RIN3: variants seen among roughly 807,000 people sequenced by gnomAD.
RIN3 encodes RAB5 interacting protein 3.
Under a neutral mutation model 76.3 loss-of-function variants are expected in RIN3, and 54 were observed. The ratio of observed to expected loss-of-function variants is 0.71; its 90% CI spans 0.57 to 0.89. The LOEUF is 0.89. Among genes scored for constraint, RIN3 ranks in the 40% least tolerant of loss-of-function variants. The pLI, the probability that RIN3 is intolerant of heterozygous loss-of-function variation, is 0.00. For synonymous variants in RIN3, 576 were observed against 564.0 expected (o/e 1.02, Z -0.30); for missense variants, 1,256 against 1,322.1 (o/e 0.95, Z 0.78).
chr14:92,660,573 C>T (rs907253641), intron 7 of RIN3, among the ~76,000 whole-genome samples: 1 of 152,220 alleles, frequency 6.6e-6, no homozygotes, highest in African/African-American at 2.4e-5. Flanking sequence ...ATGGCAGTAG[C>T]TGGGGCCCAA....
At chr14:92,638,568 C>T (rs1886863002) in intron 4 of RIN3, among the ~76,000 whole-genome samples, 1 of 152,184 alleles carries the variant, frequency 6.6e-6, no homozygotes, top group Admixed American at 6.5e-5. Context: ...TTGTGATACA[C>T]ACGGCGACGG....
At chr14:92,573,868 T>C (rs185895252) in intron 2 of RIN3, among the ~76,000 whole-genome samples, 1 of 152,294 alleles carries the variant, frequency 6.6e-6, no homozygotes, top group East Asian at 1.9e-4. Context: ...GTTAGTTCAA[T>C]TTCAGGTGAA....
chr14:92,547,640 C>T (rs946462350), intron 1 of RIN3, among the ~76,000 whole-genome samples: 1 of 152,000 alleles, frequency 6.6e-6, no homozygotes, highest in Non-Finnish European at 1.5e-5. Flanking sequence ...TAGCAGTCCT[C>T]CCACCTTAGC....
At chr14:92,600,766 G>C (rs1885316240) in intron 3 of RIN3, among the ~76,000 whole-genome samples, 1 of 152,238 alleles carries the variant, frequency 6.6e-6, no homozygotes, top group African/African-American at 2.4e-5. Context: ...ACACGGCATT[G>C]TTGGCATTTG....
rs556690137 is a variant in RIN3, at chr14:92,576,290, C to T, written c.250-1070C>T. ...GCAGAATCCCGCTCCCCATGCTTGC[C>T]TTCGGGACCCTCACTGGAGCAGAAC... On this transcript the variant is annotated intron_variant, in intron 2 of 9. Coordinates refer to ENST00000216487, the MANE Select transcript of RIN3 (RefSeq NM_024832.5). The T allele has an allele frequency of 1.6e-4, 203 of 1,289,632 alleles. 1 individual carries two copies. In the African/African-American group the frequency reaches 2.5e-3, roughly 16 times the overall value. 79.9% of individuals were successfully genotyped at this position (1,289,632 alleles called of 1,614,324 possible). A position where few individuals can be genotyped will look rare whatever the true frequency, so the allele number is the denominator to read the frequency against.
At chr14:92,647,339 G>C (rs1887237090) in intron 5 of RIN3, among the ~76,000 whole-genome samples, 1 of 152,190 alleles carries the variant, frequency 6.6e-6, no homozygotes, top group Admixed American at 6.5e-5. Context: ...GTCAAGGCCA[G>C]AAAACTAACA....
chr14:92,577,390 A>T lies in RIN3; in HGVS notation c.280A>T (p.Lys94Ter). ...CCTGGTTCGCCGGGACAGCAGCTCG[A>T]AGCAGCTGGTGCTCTGTGTCCACTT... The part of the protein sequence containing the change: ...MFLVRRDSSS[K>*]QLVLCVHFPS... The change falls in exon 3 of 10, where the codon AAG becomes TAG. Residue 94 changes from lysine (K) to a stop codon, truncating the protein, a stop_gained. Transcript: ENST00000216487. LOFTEE classifies it high-confidence loss of function. 1 of 1,613,702 alleles carries T rather than the reference A, an allele frequency of 6.2e-7. No individual in the cohort carries two copies. Among genetic ancestry groups the T allele is most frequent in the Non-Finnish European group, 8.5e-7 (1 of 1,179,714 alleles).
At chr14:92,602,328 G>A (rs1885376730) in intron 3 of RIN3, among the ~76,000 whole-genome samples, 1 of 152,278 alleles carries the variant, frequency 6.6e-6, no homozygotes, top group Non-Finnish European at 1.5e-5. Flanking sequence ...CGATGACAGG[G>A]GAGATGGTGG....
At position 92,652,984 on chromosome 14, in the gene RIN3, C is replaced by T. The variant is rs1312256734; in HGVS notation, c.1935C>T (p.Arg645=). 1.2e-6 allele frequency: 2 copies of T among 1,613,406 alleles called. No homozygotes were observed. Among genetic ancestry groups the T allele is most frequent in the East Asian group, 2.2e-5 (1 of 44,868 alleles). Residue 645 remains arginine, a synonymous_variant, in exon 6 of 10, where the codon CGC becomes CGT. Transcript: ENST00000216487. This position sits in a 1 kb window ranked among gnomAD's most constrained non-coding sequence, Gnocchi z 6.4. Reference sequence around the variant, plus strand: ...GCACGGAGATGCTGCAGGAGATTCGCACCATGATGACCCAGCTCAAGAGCT... The same window carrying T: ...GCACGGAGATGCTGCAGGAGATTCGTACCATGATGACCCAGCTCAAGAGCT... ...TSSTEMLQEI[R]TMMTQLKSYL... is the part of the protein sequence containing the mutation.
chr14:92,556,131 T>TG (rs1223374160), intron 2 of RIN3, among the ~76,000 whole-genome samples, 176 bp downstream of exon 2: 1 of 152,048 alleles, frequency 6.6e-6, no homozygotes, highest in Non-Finnish European at 1.5e-5. Flanking sequence ...AACACAGGCA[T>TG]GGGGGGCTGG....
Position 92,524,020 on chromosome 14 carries a change from C to T in RIN3, c.44+10044C>T, listed in dbSNP as rs1896662919. Among the ~76,000 whole-genome samples the T allele has an allele frequency of 2.0e-5, 3 of 152,112 alleles. No homozygotes were observed. The South Asian group carries it at 6.2e-4, about 31-fold the overall frequency. ...CCAGACTGGGCAACACAGCAAGACC[C>T]CGTCTCTACAAAAAATTTTATAAAT... On this transcript the variant is annotated intron_variant, in intron 1 of 9. Coordinates refer to ENST00000216487, the MANE Select transcript of RIN3 (RefSeq NM_024832.5).
intron 7 of RIN3, among the ~76,000 whole-genome samples, chr14:92,673,258 C>A (rs1888348556): frequency 6.6e-6 from 1 of 152,202 alleles, no homozygotes; most frequent in Non-Finnish European, 1.5e-5. Flanking sequence ...GCATGCACCA[C>A]ATTTTGCCTG....
chr14:92,688,187 G>T lies in RIN3; in HGVS notation c.2893G>T (p.Gly965Cys). The stretch of plus-strand genomic sequence containing the variant: ...CCACTTTGTCTACCGGCCCCTGGAC[G>T]GTGGTGGCGGCGGCGGCGGCGGGAG... ...DFHFVYRPLD[G>C]GGGGGGGSPP... The change falls in exon 10 of 10, where the codon GGT becomes TGT. Residue 965 changes from glycine (G) to cysteine (C), a missense_variant. This residue lies in a region of RIN3 where 218 missense variants were observed against 174.5 expected (regional missense o/e 1.25). Coordinates refer to ENST00000216487, the MANE Select transcript of RIN3 (RefSeq NM_024832.5). 2.0e-6 allele frequency: 3 copies of T among 1,535,372 alleles called. No homozygotes were observed. The highest frequency in any genetic ancestry group is 1.7e-6 in the Non-Finnish European group (2 of 1,149,122).
chr14:92,674,757 C>T (rs1007513207), intron 7 of RIN3, among the ~76,000 whole-genome samples: 3 of 151,398 alleles, frequency 2.0e-5, no homozygotes, highest in African/African-American at 7.3e-5. Flanking sequence ...GGTATGGCAG[C>T]GCACGCCTGT....
At chr14:92,599,379 C>T (rs1885264065) in intron 3 of RIN3, among the ~76,000 whole-genome samples, 1 of 152,084 alleles carries the variant, frequency 6.6e-6, no homozygotes, top group African/African-American at 2.4e-5. Context: ...AGGGGACATG[C>T]CCCAGACATA....
rs543298934 is a variant in RIN3 at position 92,647,684 on chromosome 14, C to T, written c.533-3898C>T. Among the ~76,000 whole-genome samples the T allele has an allele frequency of 5.2e-4, 79 of 152,242 alleles. No individual in the cohort carries two copies. The South Asian group carries it at 5.2e-3, about 10-fold the overall frequency. On this transcript the variant is annotated intron_variant, in intron 5 of 9. Coordinates refer to ENST00000216487, the MANE Select transcript of RIN3 (RefSeq NM_024832.5). ...GCCTTGTTGGATTTTTTAGTGTTTC[C>T]GTGGCATCTGGAACACTTTGCCTTT... is the stretch of plus-strand genomic sequence containing the variant.
At chr14:92,677,963 G>C (rs115295758) in intron 8 of RIN3, among the ~76,000 whole-genome samples, 1,718 of 118,790 alleles carry the variant, frequency 0.014, 30 homozygotes, top group African/African-American at 0.052. Flanking sequence ...ACCCACCCAC[G>C]TATTCACCCA....
intron 4 of RIN3, among the ~76,000 whole-genome samples, chr14:92,628,854 T>G (rs557043825): frequency 6.6e-6 from 1 of 152,088 alleles, no homozygotes; most frequent in Non-Finnish European, 1.5e-5. Flanking sequence ...CATTCATTCC[T>G]AGGCCTTCAG....
chr14:92,623,052 C>T lies in RIN3; in HGVS notation c.440+7573C>T, dbSNP rs772882384. On this transcript the variant is annotated intron_variant, in intron 4 of 9. Coordinates refer to ENST00000216487, the MANE Select transcript of RIN3 (RefSeq NM_024832.5). The surrounding 1 kb of genome is among the most constrained non-coding windows in gnomAD (Gnocchi z 4.9). ...CGAATGCAGGGCATGATGCAGCATC[C>T]AACAAGAATAAGCACAGCTATTGCG... 6.6e-6 allele frequency among the ~76,000 whole-genome samples: 1 copy of T among 152,164 alleles called. No homozygotes were observed. The highest frequency in any genetic ancestry group is 1.5e-5 in the Non-Finnish European group (1 of 68,024).
Sources: gnomAD v4.1 joint callset for allele counts (sites outside exome capture counted in the v4.1 genomes callset) on GRCh38, gnomAD v4.1.1 for gene constraint, gnomAD v4.1.1 regional missense constraint, Gnocchi (gnomAD v3.1) non-coding constraint, MANE v1.5 for transcripts, NCBI Gene and HGNC (gene_info 2026-07-23, HGNC 2026-07-21) for gene names.